Variants in PHF8 observed in about 807,000 individuals in gnomAD.
PHF8 encodes the protein PHD finger protein 8.
Under a neutral mutation model 74.4 loss-of-function variants are expected in PHF8, and 9 were observed. The ratio of observed to expected loss-of-function variants is 0.12; its 90% CI spans 0.07 to 0.21. PHF8 has a LOEUF of 0.21. PHF8 is among the 10% of genes least tolerant of loss of function. PHF8 has a pLI of 1.00. For missense variants in PHF8, 478 were observed against 816.6 expected, an observed-to-expected ratio of 0.59 and a Z score of 5.05; for synonymous variants, 311 against 316.6, an observed-to-expected ratio of 0.98 and a Z score of 0.19.
At chrX:53,946,381 T>C (rs1288793459) in intron 19 of PHF8, among the ~76,000 whole-genome samples, 1 of 112,526 alleles carries the variant, frequency 8.9e-6, no homozygotes, top group Non-Finnish European at 1.9e-5. Flanking sequence ...AGTAGTTTTG[T>C]TGAAGAGCTA....
chrX:53,997,216 C>T (rs1012770181), intron 11 of PHF8, among the ~76,000 whole-genome samples: 1 of 111,639 alleles, frequency 9.0e-6, no homozygotes, highest in South Asian at 3.8e-4. Flanking sequence ...ACAGCTAGCT[C>T]AACAGCAACC....
intron 18 of PHF8, among the ~76,000 whole-genome samples, chrX:53,965,187 A>G (rs2065165619): frequency 8.9e-6 from 1 of 112,218 alleles, no homozygotes; most frequent in African/African-American, 3.2e-5. Context: ...ACGCACGCAC[A>G]CACACACGAA....
chrX:53,948,996 G>A (rs1019216557), intron 19 of PHF8, among the ~76,000 whole-genome samples: 1 of 109,513 alleles, frequency 9.1e-6, no homozygotes, highest in Non-Finnish European at 1.9e-5. Flanking sequence ...TTGCACTCCC[G>A]CCTGGACAAC....
chrX:53,960,537 C>T (rs1557090454), intron 19 of PHF8, among the ~76,000 whole-genome samples: 4 of 107,574 alleles, frequency 3.7e-5, no homozygotes, highest in Non-Finnish European at 7.7e-5. Context: ...ATCATGAGGT[C>T]AGGAGTTCAA....
At chrX:54,046,619 G>A (rs972081625), upstream of PHF8, among the ~76,000 whole-genome samples, 2 of 109,568 alleles carry the variant, frequency 1.8e-5, no homozygotes, top group African/African-American at 3.3e-5. Flanking sequence ...ACAAAATTAG[G>A]TTCAAAGGTA....
chrX:54,014,660 G>A, intron 6 of PHF8, 97 bp from the exon 7 acceptor site: 1 of 602,381 alleles, frequency 1.7e-6, no homozygotes, highest in Non-Finnish European at 2.7e-6. Context: ...GGTCAGATAA[G>A]TCAGAGAACA....
intron 2 of PHF8, among the ~76,000 whole-genome samples, chrX:54,036,102 C>CAAAAAAA (rs1159910510): frequency 1.1e-4 from 3 of 26,206 alleles, no homozygotes; most frequent in Non-Finnish European, 1.5e-4. Flanking sequence ...AACTCCATCT[C>CAAAAAAA]AAAAAAAAAA....
intron 6 of PHF8, among the ~76,000 whole-genome samples, chrX:54,015,386 C>T (rs1318541856): frequency 9.1e-6 from 1 of 109,632 alleles, no homozygotes; most frequent in Non-Finnish European, 1.9e-5. Flanking sequence ...ACCATCCTGG[C>T]TAACACAGTG....
At chrX:53,942,875 T>A (rs1028487493) in intron 20 of PHF8, 15 of 752,882 alleles carry the variant, frequency 2.0e-5, no homozygotes, top group Non-Finnish European at 2.4e-5. Flanking sequence ...TATGGCTGTA[T>A]AAAAGGTGTG....
chrX:53,992,528 G>A (rs1302403650), intron 14 of PHF8, among the ~76,000 whole-genome samples: 2 of 111,386 alleles, frequency 1.8e-5, no homozygotes, highest in African/African-American at 3.3e-5. Context: ...TTGCCAATTC[G>A]ATTTCAGACC....
At position 53,992,862 on chromosome X, in the gene PHF8, C is replaced by T. The variant is rs7061449; in HGVS notation, c.1627-23G>A. The T allele has an allele frequency of 0.076, 76,083 of 1,007,702 alleles. 13,213 individuals carry two copies. The African/African-American group carries it at 0.78, about 10-fold the overall frequency. 83.0% of individuals were successfully genotyped at this position (1,007,702 alleles called of 1,213,427 possible). On this transcript the variant is annotated intron_variant, in intron 13 of 21. Coordinates refer to ENST00000338154, the MANE Select transcript of PHF8 (RefSeq NM_015107.3). ...GAACTGTAGAAGTAGGAGACTCAGC[C>T]GTTACCTGTCTGGGACTCCCATGGG...
intron 18 of PHF8, among the ~76,000 whole-genome samples, chrX:53,971,519 A>G (rs995479585): frequency 1.4e-4 from 16 of 111,560 alleles, no homozygotes; most frequent in Non-Finnish European, 3.0e-4. Flanking sequence ...CCCTTCAAAA[A>G]AACAAAAAAT....
intron 19 of PHF8, among the ~76,000 whole-genome samples, chrX:53,954,499 C>CAA (rs1180184175): frequency 0.011 from 144 of 13,028 alleles, 5 homozygotes; most frequent in Admixed American, 0.017. Flanking sequence ...GACTCTGTCT[C>CAA]AAAAAAAAAA....
intron 18 of PHF8, among the ~76,000 whole-genome samples, chrX:53,969,120 A>G (rs1427665447): frequency 2.7e-5 from 3 of 110,245 alleles, no homozygotes; most frequent in Non-Finnish European, 5.7e-5. Context: ...CTGTAGTCCC[A>G]GCTACTTGGG....
At chrX:53,972,734 CACAAG>C (rs2065314454) in intron 18 of PHF8, among the ~76,000 whole-genome samples, 1 of 111,428 alleles carries the variant, frequency 9.0e-6, no homozygotes, top group African/African-American at 3.3e-5. Context: ...TGAAAACTGG[CACAAG>C]ACAAGAATGC....
intron 19 of PHF8, among the ~76,000 whole-genome samples, chrX:53,956,657 A>G (rs1487528533): frequency 9.3e-6 from 1 of 107,289 alleles, no homozygotes; most frequent in African/African-American, 3.4e-5. Flanking sequence ...CAAGCACATT[A>G]TAAGTATAAA....
Position 53,938,475 on chromosome X carries a change from C to G in PHF8, c.*683G>C. The G allele has an allele frequency of 2.6e-6, 2 of 772,338 alleles. No homozygotes were observed. Among genetic ancestry groups the G allele is most frequent in the Non-Finnish European group, 1.5e-6 (1 of 651,397 alleles). The allele number at this position is 772,338 out of a possible 1,213,427, so 63.6% of individuals were successfully genotyped here. ...AAACCGTGGTCAAAGGCTTGGGCATCTGACCTCTCCCTACCTTGACAAGTG... is the reference window on the plus strand; with the variant it reads ...AAACCGTGGTCAAAGGCTTGGGCATGTGACCTCTCCCTACCTTGACAAGTG... On this transcript the variant is annotated 3_prime_UTR_variant, in exon 22 of 22. Transcript: ENST00000338154.
chrX:53,978,026 A>G (rs2065412835), intron 18 of PHF8, among the ~76,000 whole-genome samples: 1 of 101,813 alleles, frequency 9.8e-6, no homozygotes. Flanking sequence ...GTTCACTGCA[A>G]CCTCCACCTC....
chrX:54,030,522 T>C (rs1557112326), intron 2 of PHF8, among the ~76,000 whole-genome samples: 1 of 112,117 alleles, frequency 8.9e-6, no homozygotes, highest in African/African-American at 3.2e-5. Flanking sequence ...GAGCAGACAC[T>C]GCCCTCATGG....
Sources: gnomAD v4.1 joint callset for allele counts (sites outside exome capture counted in the v4.1 genomes callset) on GRCh38, gnomAD v4.1.1 for gene constraint, MANE v1.5 for transcripts, NCBI Gene and HGNC (gene_info 2026-07-23, HGNC 2026-07-21) for gene names.